GSG1L2: variants seen among roughly 807,000 people sequenced by gnomAD.
The protein encoded by GSG1L2 is GSG1 like 2.
A neutral mutation model predicts 9.0 loss-of-function variants in GSG1L2; 15 were observed. The observed-to-expected ratio is 1.67, with a 90% confidence interval of 1.12 to 2.57. The LOEUF (loss-of-function observed/expected upper bound fraction) is 2.57, where lower values mean the gene tolerates loss of function less well. GSG1L2 is among the 30% of genes most tolerant of loss of function. The pLI, the probability that GSG1L2 is intolerant of heterozygous loss-of-function variation, is 0.00. For missense variants in GSG1L2, 286 were observed against 150.3 expected (o/e 1.90, Z -4.72); for synonymous variants, 127 against 57.9 (o/e 2.19, Z -5.41).
At chr17:9,802,851 C>A (rs1026777978) in intron 4 of GSG1L2, among the ~76,000 whole-genome samples, 4 of 152,166 alleles carry the variant, frequency 2.6e-5, no homozygotes, top group Non-Finnish European at 5.9e-5. Flanking sequence ...AGTCACTGTG[C>A]TGGCTTTGCA....
At chr17:9,815,314 C>T (rs555114779) in intron 1 of GSG1L2, among the ~76,000 whole-genome samples, 16 of 152,142 alleles carry the variant, frequency 1.1e-4, no homozygotes, top group African/African-American at 3.9e-4. Context: ...CGCTTGAACC[C>T]CGGAGGCAGG....
At chr17:9,806,930 T>C (rs1248447940) in intron 4 of GSG1L2, among the ~76,000 whole-genome samples, 2 of 152,198 alleles carry the variant, frequency 1.3e-5, no homozygotes, top group Non-Finnish European at 2.9e-5. Flanking sequence ...GCCCTGAACG[T>C]GTTATGTGTT....
chr17:9,819,320 C>T (rs751524819), intron 1 of GSG1L2, among the ~76,000 whole-genome samples: 9 of 152,008 alleles, frequency 5.9e-5, no homozygotes, highest in Non-Finnish European at 1.2e-4. Flanking sequence ...AACAAAGCAG[C>T]GATATAACTT....
chr17:9,805,705 T>C (rs1433592636), intron 4 of GSG1L2: 2 of 152,112 alleles, frequency 1.3e-5, no homozygotes, highest in Non-Finnish European at 2.9e-5. Context: ...GGAAGTCTCA[T>C]GATGATAGCT....
chr17:9,804,033 A>G (rs1217821549), intron 4 of GSG1L2: 3 of 152,376 alleles, frequency 2.0e-5, no homozygotes, highest in East Asian at 1.9e-4. Context: ...GCAGAAACTC[A>G]TTGCATCTCT....
At chr17:9,806,303 G>GTTTTATCTGCCCTGTGAATAAATC (rs2066516015) in intron 4 of GSG1L2, among the ~76,000 whole-genome samples, 2 of 152,234 alleles carry the variant, frequency 1.3e-5, no homozygotes, top group South Asian at 4.1e-4. Context: ...GTGAATAAAT[G>GTTTTATCTGCCCTGTGAATAAATC]TTTTATCTGC....
chr17:9,808,589 G>T (rs1018625092), intron 3 of GSG1L2, among the ~76,000 whole-genome samples: 1 of 152,150 alleles, frequency 6.6e-6, no homozygotes, highest in Non-Finnish European at 1.5e-5. Context: ...CTCTTCCCTG[G>T]TTGTGACAAA....
chr17:9,816,655 CTGTGTGTGCG>C (rs1375371411), intron 1 of GSG1L2, among the ~76,000 whole-genome samples: 3 of 83,932 alleles, frequency 3.6e-5, no homozygotes, highest in Non-Finnish European at 6.7e-5. Flanking sequence ...CTGTGTGTGT[CTGTGTGTGCG>C]TGTGTGTCTG....
intron 4 of GSG1L2, chr17:9,803,762 A>G (rs1031357402): frequency 1.3e-5 from 2 of 152,262 alleles, no homozygotes; most frequent in Non-Finnish European, 2.9e-5. Context: ...TGGAGGCACT[A>G]TAATTATCTC....
rs111554027 is a variant in GSG1L2 at position 9,807,662 on chromosome 17, C to T, written c.512-61G>A. On this transcript the variant is annotated intron_variant, in intron 3 of 4. Transcript: ENST00000399363. ...AGACACATGATGGAAGAACTCTACG[C>T]GGTGTGAGTTGGCTGTAAGGAGCTC... 2,460 of 700,632 alleles carry T rather than the reference C, an allele frequency of 3.5e-3. 39 individuals are homozygous for T. The African/African-American group carries it at 0.035, about 10-fold the overall frequency. The allele number at this position is 700,632 out of a possible 1,614,324, so 43.4% of individuals were successfully genotyped here.
chr17:9,815,111 G>C (rs554762847), intron 1 of GSG1L2, among the ~76,000 whole-genome samples: 3 of 152,200 alleles, frequency 2.0e-5, no homozygotes, highest in Non-Finnish European at 4.4e-5. Context: ...CAGGTGGCTG[G>C]GTGCGGTGGC....
At chr17:9,821,683 T>G in intron 1 of GSG1L2, 79 bp downstream of exon 1, 1 of 667,812 alleles carries the variant, frequency 1.5e-6, no homozygotes, top group East Asian at 2.7e-5. Flanking sequence ...TCTGCAGGAT[T>G]CAAACCCAGA....
intron 1 of GSG1L2, among the ~76,000 whole-genome samples, chr17:9,816,366 G>GTA (rs1410976137): frequency 2.8e-5 from 3 of 108,260 alleles, no homozygotes; most frequent in Non-Finnish European, 5.5e-5. Context: ...GCGTATGCGT[G>GTA]TGTCTGTGTG....
At chr17:9,814,828 G>A (rs749239011) in intron 1 of GSG1L2, among the ~76,000 whole-genome samples, 33 of 152,166 alleles carry the variant, frequency 2.2e-4, no homozygotes, top group Admixed American at 3.9e-4. Flanking sequence ...CCCCCACTCC[G>A]CCCCTATCCT....
At position 9,821,944 on chromosome 17, in the gene GSG1L2, C is replaced by A; in HGVS notation, c.128G>T (p.Cys43Phe). Residue 43 changes from cysteine (C) to phenylalanine (F), a missense_variant, in exon 1 of 5, where the codon TGC (cysteine) becomes TTC (phenylalanine). Coordinates refer to ENST00000399363, the MANE Select transcript of GSG1L2 (RefSeq NM_001310219.2). ...GTGCTGCCCTCCCGGCTGGTCCTGG[C>A]ACAGTGGCTTCACCACCCGTCGGGT... ...EGTRRVVKPL[C>F]QDQPGGQHCI... The A allele has an allele frequency of 1.4e-6, 1 of 703,178 alleles. No homozygotes were observed. The highest frequency in any genetic ancestry group is 1.5e-5 in the South Asian group (1 of 67,602). 43.6% of individuals were successfully genotyped at this position (703,178 alleles called of 1,614,324 possible). A position where few individuals can be genotyped will look rare whatever the true frequency, so the allele number is the denominator to read the frequency against.
intron 1 of GSG1L2, among the ~76,000 whole-genome samples, chr17:9,816,767 GT>G (rs2066566618): frequency 1.9e-5 from 2 of 104,958 alleles, no homozygotes; most frequent in Non-Finnish European, 3.7e-5. Context: ...CTGTGTCTGT[GT>G]GTGCGTGTGT....
At chr17:9,815,989 C>T (rs142923166) in intron 1 of GSG1L2, among the ~76,000 whole-genome samples, 33 of 152,142 alleles carry the variant, frequency 2.2e-4, no homozygotes, top group South Asian at 1.0e-3. Context: ...AGGACAGGGC[C>T]GAGCTAGAAT....
chr17:9,817,186 G>C (rs537047859), intron 1 of GSG1L2, among the ~76,000 whole-genome samples: 1 of 152,090 alleles, frequency 6.6e-6, no homozygotes, highest in Non-Finnish European at 1.5e-5. Flanking sequence ...GTGTGACTAC[G>C]GCTCATGCCA....
intron 2 of GSG1L2, chr17:9,809,363 C>T (rs781701012): frequency 1.3e-5 from 4 of 296,970 alleles, no homozygotes; most frequent in East Asian, 8.4e-5. Context: ...CACAGACCTT[C>T]GCAGTGAGTG....
Sources: allele counts gnomAD v4.1 joint callset (sites outside exome capture counted in the v4.1 genomes callset), GRCh38; gene constraint gnomAD v4.1.1; transcripts MANE v1.5; gene names NCBI Gene and HGNC (gene_info 2026-07-23, HGNC 2026-07-21).